The following CREBBP variants were observed in gnomAD, a reference collection of about 807,000 sequenced individuals.
CREBBP encodes the protein CREB-binding protein.
In CREBBP, 19 loss-of-function variants were observed where a neutral mutation model predicts 265.0. The observed-to-expected ratio is 0.07, with a 90% CI of 0.05 to 0.11. The LOEUF (loss-of-function observed/expected upper bound fraction) is 0.11, where lower values mean the gene tolerates loss of function less well. Ranked by LOEUF, CREBBP falls within the 10% of genes least tolerant of loss-of-function variation. The pLI is 1.00. For synonymous variants in CREBBP, 1,457 were observed against 1,223.7 expected (o/e 1.19, Z -3.98); for missense variants, 2,525 against 3,219.0 (o/e 0.78, Z 5.22).
At chr16:3,819,565 T>C (rs1026768054) in intron 2 of CREBBP, among the ~76,000 whole-genome samples, 3 of 152,222 alleles carry the variant, frequency 2.0e-5, no homozygotes, top group African/African-American at 7.2e-5. Context: ...CTGGGATTAC[T>C]GGCATTTGGA....
chr16:3,740,253 C>A (rs1180506967), intron 24 of CREBBP, 146 bp downstream of exon 24: 1 of 886,926 alleles, frequency 1.1e-6, no homozygotes, highest in Non-Finnish European at 1.8e-6. Flanking sequence ...GACAGGACAA[C>A]CGCAGCTGAG....
chr16:3,745,537 G>T, intron 21 of CREBBP, 183 bp from the exon 22 acceptor site: 1 of 642,096 alleles, frequency 1.6e-6, no homozygotes. Flanking sequence ...TCTTCTACAG[G>T]AAAAAGCTTT....
rs2054822197 is a variant in CREBBP at position 3,850,959 on chromosome 16, G to A, written c.136C>T (p.Pro46Ser). The change falls in exon 2 of 31, where the codon CCC becomes TCC. Residue 46 changes from proline to serine, a missense_variant. Physicochemically the swap from Pro to Ser is moderately conservative, Grantham distance 74. Coordinates refer to ENST00000262367, the MANE Select transcript of CREBBP (RefSeq NM_004380.3). The stretch of plus-strand genomic sequence containing the variant: ...AAAAGGCCTAATTCTCCTCCATTGG[G>A]TATCAGCTCATCAGGAAGATCATTT... ...LENDLPDELI[P>S]NGGELGLLNS... is the part of the protein sequence containing the mutation. The A allele has an allele frequency of 6.2e-7, 1 of 1,614,124 alleles. No individual in the cohort carries two copies. The highest frequency in any genetic ancestry group is 1.7e-5 in the Admixed American group (1 of 60,014).
intron 2 of CREBBP, among the ~76,000 whole-genome samples, chr16:3,818,894 A>G (rs1305309935): frequency 6.6e-6 from 1 of 152,222 alleles, no homozygotes; most frequent in Non-Finnish European, 1.5e-5. Context: ...GCCCCCCGGA[A>G]AGGGCAGGGA....
At chr16:3,865,596 C>G (rs2055160563) in intron 1 of CREBBP, among the ~76,000 whole-genome samples, 1 of 152,010 alleles carries the variant, frequency 6.6e-6, no homozygotes. Context: ...TCTGAGTTTT[C>G]TGAGCCATGT....
intron 1 of CREBBP, among the ~76,000 whole-genome samples, chr16:3,876,419 A>C (rs1243972697): frequency 6.7e-6 from 1 of 150,372 alleles, no homozygotes; most frequent in East Asian, 1.9e-4. Flanking sequence ...AAAAAAAAAA[A>C]AAAAAAACAA....
intron 19 of CREBBP, 33 bp from the exon 20 acceptor site, chr16:3,751,839 G>A: frequency 6.2e-7 from 1 of 1,606,340 alleles, no homozygotes; most frequent in Non-Finnish European, 8.5e-7. Flanking sequence ...TGGGTGAACT[G>A]GTCCATCATA....
At chr16:3,782,125 A>G (rs1014138953) in intron 6 of CREBBP, among the ~76,000 whole-genome samples, 6 of 152,226 alleles carry the variant, frequency 3.9e-5, no homozygotes, top group African/African-American at 1.4e-4. Flanking sequence ...CATATGCAGA[A>G]ATGGCAAAAT....
intron 2 of CREBBP, among the ~76,000 whole-genome samples, chr16:3,816,308 A>G (rs1343129798): frequency 2.6e-5 from 4 of 152,246 alleles, no homozygotes; most frequent in Non-Finnish European, 5.9e-5. Flanking sequence ...CTCAGAGAGT[A>G]AAAATATGTA....
intron 21 of CREBBP, chr16:3,745,777 TTAAGTC>T: frequency 3.3e-6 from 1 of 306,706 alleles, no homozygotes; most frequent in Non-Finnish European, 6.3e-6. Flanking sequence ...ACATGTGCTC[TTAAGTC>T]TAAAATTGTT....
rs2054757451 is a variant in CREBBP at position 3,849,435 on chromosome 16, GTGTGTGTGTGTGTGTGTGTGTGT to G, written c.798+839_798+861del. Among the ~76,000 whole-genome samples, 4 of 15,734 alleles carry G rather than the reference GTGTGTGTGTGTGTGTGTGTGTGT, an allele frequency of 2.5e-4. No individual in the cohort carries two copies. The South Asian group carries it at 0.01, about 41-fold the overall frequency. 10.3% of individuals were successfully genotyped at this position (15,734 alleles called of 152,430 possible). A position where few individuals can be genotyped will look rare whatever the true frequency, so the allele number is the denominator to read the frequency against. On this transcript the variant is annotated intron_variant, in intron 2 of 30. Coordinates refer to ENST00000262367, the MANE Select transcript of CREBBP (RefSeq NM_004380.3). ...TGTGTGTGTGTGTGTGTGTGTGTGT[GTGTGTGTGTGTGTGTGTGTGTGT>G]GTGTGTGTGTGTGTGTGTGTGTGTG...
chr16:3,838,144 T>C (rs1334493072), intron 2 of CREBBP, among the ~76,000 whole-genome samples: 1 of 152,192 alleles, frequency 6.6e-6, no homozygotes, highest in Non-Finnish European at 1.5e-5. Flanking sequence ...AGGTGTACTA[T>C]TTTAAATCTT....
chr16:3,855,761 C>CT (rs2054948308), intron 1 of CREBBP, among the ~76,000 whole-genome samples: 1 of 152,086 alleles, frequency 6.6e-6, no homozygotes, highest in African/African-American at 2.4e-5. Flanking sequence ...GGGTTCCAAT[C>CT]CATAGTTTTT....
At chr16:3,835,912 A>G (rs1470368199) in intron 2 of CREBBP, among the ~76,000 whole-genome samples, 1 of 152,004 alleles carries the variant, frequency 6.6e-6, no homozygotes, top group Non-Finnish European at 1.5e-5. Flanking sequence ...CAAACTGGAA[A>G]CAACCCCAAT....
intron 2 of CREBBP, among the ~76,000 whole-genome samples, chr16:3,844,668 A>G (rs747921258): frequency 6.6e-6 from 1 of 152,234 alleles, no homozygotes; most frequent in Admixed American, 6.5e-5. Flanking sequence ...AAAAGTATCA[A>G]TAATGCAAAA....
intron 2 of CREBBP, chr16:3,841,103 A>C (rs542567424): frequency 1.3e-5 from 2 of 154,156 alleles, no homozygotes; most frequent in African/African-American, 4.8e-5. Flanking sequence ...ATATATCAAA[A>C]ATTTTGATAA....
At chr16:3,766,575 G>A (rs896810031) in intron 16 of CREBBP, among the ~76,000 whole-genome samples, 1 of 151,292 alleles carries the variant, frequency 6.6e-6, no homozygotes, top group African/African-American at 2.4e-5. Flanking sequence ...TCCCAGGCTA[G>A]AGTGCAGTGA....
At chr16:3,789,864 G>C (rs1187738228) in intron 5 of CREBBP, among the ~76,000 whole-genome samples, 2 of 151,414 alleles carry the variant, frequency 1.3e-5, no homozygotes, top group African/African-American at 2.4e-5. Flanking sequence ...ACAACACTCA[G>C]GCCGTTATAA....
At chr16:3,877,447 G>A (rs1049673056) in intron 1 of CREBBP, among the ~76,000 whole-genome samples, 2 of 152,236 alleles carry the variant, frequency 1.3e-5, no homozygotes, top group African/African-American at 2.4e-5. Context: ...CCATTACCCA[G>A]GCTGGAGTGC....
Sources: gnomAD v4.1 joint callset for allele counts (sites outside exome capture counted in the v4.1 genomes callset) on GRCh38, gnomAD v4.1.1 for gene constraint, MANE v1.5 for transcripts, NCBI Gene and HGNC (gene_info 2026-07-23, HGNC 2026-07-21) for gene names.